The following TEX11 variants were observed in gnomAD, a reference collection of about 807,000 sequenced individuals.
TEX11 encodes the protein testis-expressed protein 11.
A neutral mutation model predicts 84.4 loss-of-function variants in TEX11; 7 were observed. That is an observed-to-expected ratio of 0.08 (90% confidence interval 0.05 to 0.16). TEX11 has a LOEUF of 0.16. Among genes scored for constraint, TEX11 ranks in the 10% least tolerant of loss-of-function variants. The pLI, the probability that TEX11 is intolerant of heterozygous loss-of-function variation, is 1.00. For synonymous variants in TEX11, 264 were observed against 222.8 expected (o/e 1.18, Z -1.64); for missense variants, 551 against 660.5 (o/e 0.83, Z 1.82).
At chrX:70,725,997 G>A (rs1411197728) in intron 11 of TEX11, among the ~76,000 whole-genome samples, 1 of 112,380 alleles carries the variant, frequency 8.9e-6, no homozygotes, top group East Asian at 2.8e-4. Flanking sequence ...GTATTCATAT[G>A]TGAGATGTCT....
intron 15 of TEX11, among the ~76,000 whole-genome samples, chrX:70,676,908 T>C (rs1447962872): frequency 8.9e-6 from 1 of 112,153 alleles, no homozygotes; most frequent in African/African-American, 3.2e-5. Context: ...GTTTTCATCT[T>C]TATAAGTTTG....
chrX:70,581,198 G>T (rs1444367305), intron 25 of TEX11, among the ~76,000 whole-genome samples: 1 of 108,333 alleles, frequency 9.2e-6, no homozygotes, highest in East Asian at 2.9e-4. Context: ...TAGAGACAGG[G>T]TCTTCCTATG....
chrX:70,769,136 A>G (rs972053033), intron 9 of TEX11, among the ~76,000 whole-genome samples: 5 of 111,781 alleles, frequency 4.5e-5, no homozygotes, highest in African/African-American at 1.6e-4. Flanking sequence ...TCTCAAATCA[A>G]TATGCTAACC....
intron 9 of TEX11, among the ~76,000 whole-genome samples, chrX:70,790,862 TC>T (rs1222497708): frequency 8.9e-6 from 1 of 112,222 alleles, no homozygotes; most frequent in African/African-American, 3.2e-5. Flanking sequence ...CCAGTCCCAA[TC>T]CTGCATCGTT....
At chrX:70,574,063 C>G in intron 25 of TEX11, among the ~76,000 whole-genome samples, 1 of 111,930 alleles carries the variant, frequency 8.9e-6, no homozygotes, top group Middle Eastern at 4.7e-3. Context: ...AAAACTAAAG[C>G]CTTTTCTCTA....
chrX:70,792,315 AATATATATATATATATATATATAT>A (rs1556087562), intron 9 of TEX11, among the ~76,000 whole-genome samples: 3 of 14,914 alleles, frequency 2.0e-4, no homozygotes, highest in African/African-American at 8.7e-4. Context: ...AAAAAAAAAA[AATATATATATATATATATATATAT>A]ATATATATAT....
chrX:70,647,937 C>T (rs1032633241), intron 17 of TEX11, among the ~76,000 whole-genome samples: 1 of 111,694 alleles, frequency 9.0e-6, no homozygotes, highest in African/African-American at 3.3e-5. Context: ...AAGTATAAAT[C>T]ATGCTGCTAT....
intron 11 of TEX11, among the ~76,000 whole-genome samples, chrX:70,730,498 C>A (rs1262367404): frequency 1.8e-5 from 2 of 111,412 alleles, no homozygotes; most frequent in Non-Finnish European, 3.8e-5. Flanking sequence ...GCAGGGGTTG[C>A]AATCTTACTC....
At chrX:70,774,962 C>G (rs2090992762) in intron 9 of TEX11, among the ~76,000 whole-genome samples, 1 of 111,953 alleles carries the variant, frequency 8.9e-6, no homozygotes, top group African/African-American at 3.2e-5. Flanking sequence ...TATTACAAAC[C>G]TGTATTAACC....
chrX:70,710,918 C>A (rs1233872118), intron 13 of TEX11, among the ~76,000 whole-genome samples: 3 of 110,201 alleles, frequency 2.7e-5, no homozygotes, highest in African/African-American at 9.9e-5. Flanking sequence ...AGGTATATCT[C>A]CTAATGCTAT....
intron 24 of TEX11, among the ~76,000 whole-genome samples, chrX:70,600,397 G>C (rs1361994014): frequency 9.0e-6 from 1 of 111,040 alleles, no homozygotes; most frequent in Non-Finnish European, 1.9e-5. Flanking sequence ...AAGAGACTTA[G>C]ACTCCCACAC....
In TEX11 at chrX:70,844,369, C is replaced by A. The variant is rs1276592416; in HGVS notation, c.525+8665G>T. On this transcript the variant is annotated intron_variant, in intron 7 of 29. Coordinates refer to ENST00000374333, the MANE Select transcript of TEX11 (RefSeq NM_031276.3). ...AGCAAACTATCGCAAGGACAAAAAA[C>A]CAAACACCGCATGTTCTCACTCATA... 5.8e-5 allele frequency among the ~76,000 whole-genome samples: 6 copies of A among 102,834 alleles called. No individual in the cohort carries two copies. In the Admixed American group the frequency reaches 6.5e-4, roughly 11 times the overall value. 89.3% of individuals were successfully genotyped at this position (102,834 alleles called of 115,157 possible). A position where few individuals can be genotyped will look rare whatever the true frequency, so the allele number is the denominator to read the frequency against.
intron 2 of TEX11, among the ~76,000 whole-genome samples, chrX:70,906,701 C>T (rs1316368174): frequency 2.7e-5 from 3 of 111,126 alleles, no homozygotes; most frequent in Non-Finnish European, 3.8e-5. Flanking sequence ...GCAGAAGAAT[C>T]GCTTGAACTC....
At chrX:70,655,576 T>G (rs369967737) in intron 16 of TEX11, among the ~76,000 whole-genome samples, 1 of 111,800 alleles carries the variant, frequency 8.9e-6, no homozygotes, top group Non-Finnish European at 1.9e-5. Context: ...TCTGTACATA[T>G]ATGTACATAC....
intron 5 of TEX11, among the ~76,000 whole-genome samples, chrX:70,854,678 G>A (rs1338576751): frequency 1.9e-5 from 2 of 107,766 alleles, no homozygotes; most frequent in Non-Finnish European, 3.8e-5. Flanking sequence ...GAAGGCTGCA[G>A]TGAGCCATGA....
At chrX:70,775,547 G>C (rs969513879) in intron 9 of TEX11, among the ~76,000 whole-genome samples, 2 of 109,967 alleles carry the variant, frequency 1.8e-5, no homozygotes, top group Non-Finnish European at 3.8e-5. Flanking sequence ...TTATTCAAAA[G>C]AAGACATACA....
chrX:70,889,996 A>C (rs985659555), intron 2 of TEX11, among the ~76,000 whole-genome samples: 9 of 111,501 alleles, frequency 8.1e-5, no homozygotes, highest in African/African-American at 9.8e-5. Flanking sequence ...AGAGTGGCTA[A>C]ATTGAGAAAA....
chrX:70,648,570 C>T (rs2089775462), intron 17 of TEX11, among the ~76,000 whole-genome samples: 1 of 109,758 alleles, frequency 9.1e-6, no homozygotes, highest in Admixed American at 9.7e-5. Context: ...AACAAAGTAC[C>T]CTATCTTAAA....
intron 28 of TEX11, among the ~76,000 whole-genome samples, chrX:70,531,160 G>A (rs964964466): frequency 5.4e-5 from 6 of 111,529 alleles, no homozygotes; most frequent in African/African-American, 2.0e-4. Context: ...AGTTCCTTGA[G>A]GTACAGGGAA....
Sources: gnomAD v4.1 joint callset for allele counts (sites outside exome capture counted in the v4.1 genomes callset) on GRCh38, gnomAD v4.1.1 for gene constraint, MANE v1.5 for transcripts, NCBI Gene and HGNC (gene_info 2026-07-23, HGNC 2026-07-21) for gene names.